WDR19: variants seen among roughly 807,000 people sequenced by gnomAD.
The protein encoded by WDR19 is WD repeat domain 19.
A neutral mutation model predicts 180.0 loss-of-function variants in WDR19; 121 were observed. The observed-to-expected ratio is 0.67, with a 90% CI of 0.58 to 0.78. The LOEUF (loss-of-function observed/expected upper bound fraction) is 0.78, where lower values mean the gene tolerates loss of function less well. Among genes scored for constraint, WDR19 ranks in the 30% least tolerant of loss-of-function variants. WDR19 has a pLI of 0.00. For synonymous variants in WDR19, 497 were observed against 540.7 expected, an observed-to-expected ratio of 0.92 and a Z score of 1.12; for missense variants, 1,450 against 1,640.7, an observed-to-expected ratio of 0.88 and a Z score of 2.01.
chr4:39,189,272 A>G (rs1413315109), intron 3 of WDR19, among the ~76,000 whole-genome samples: 1 of 152,150 alleles, frequency 6.6e-6, no homozygotes, highest in Non-Finnish European at 1.5e-5. Context: ...AATCTAAAAT[A>G]ATCTTTCAAA....
At chr4:39,220,798 G>A (rs998241454) in intron 14 of WDR19, among the ~76,000 whole-genome samples, 9 of 148,750 alleles carry the variant, frequency 6.1e-5, no homozygotes, top group African/African-American at 1.5e-4. Context: ...GCAAGGCACC[G>A]TGCCCAGCTG....
chr4:39,263,137 G>C (rs1314423597), intron 28 of WDR19, among the ~76,000 whole-genome samples: 1 of 151,220 alleles, frequency 6.6e-6, no homozygotes, highest in Admixed American at 6.6e-5. Flanking sequence ...AGGGGGAAGG[G>C]AAGTACGAGG....
Position 39,228,366 on chromosome 4 carries a change from C to A in WDR19, c.1777+9C>A, listed in dbSNP as rs1330948394. The A allele has an allele frequency of 1.2e-6, 2 of 1,605,542 alleles. No homozygotes were observed. The highest frequency in any genetic ancestry group is 1.7e-5 in the Admixed American group (1 of 59,390). On this transcript the variant is annotated intron_variant, in intron 16 of 36. Coordinates refer to ENST00000399820, the MANE Select transcript of WDR19 (RefSeq NM_025132.4). ...CAAGGACACTATACAAGGTACTAAACCCCTTTTGTGTATATTCGCTGACAG... is the reference window on the plus strand; with the variant it reads ...CAAGGACACTATACAAGGTACTAAAACCCTTTTGTGTATATTCGCTGACAG...
At chr4:39,238,374 C>G (rs944171901) in intron 20 of WDR19, among the ~76,000 whole-genome samples, 5 of 152,070 alleles carry the variant, frequency 3.3e-5, no homozygotes, top group Admixed American at 3.3e-4. Context: ...CATATGAGAG[C>G]TTCAAAATAA....
chr4:39,241,525 G>T lies in WDR19; in HGVS notation c.2421+1191G>T, dbSNP rs190763036. ...AAAAAAAAAAAGTGGGTCCGGGGCC[G>T]GGCACAGTGGCTCACGCTGGTAACC... On this transcript the variant is annotated intron_variant, in intron 21 of 36. Transcript: ENST00000399820. Among the ~76,000 whole-genome samples the T allele has an allele frequency of 5.0e-4, 75 of 149,508 alleles. 2 individuals are homozygous for T. The highest frequency in any genetic ancestry group is 1.7e-3 in the African/African-American group (71 of 40,824).
intron 1 of WDR19, among the ~76,000 whole-genome samples, chr4:39,184,294 C>A (rs1368484694): frequency 6.6e-6 from 1 of 151,798 alleles, no homozygotes; most frequent in Non-Finnish European, 1.5e-5. Flanking sequence ...CCTGTAATCC[C>A]AGCTATTCGG....
intron 19 of WDR19, 109 bp downstream of exon 19, chr4:39,232,381 T>C: frequency 1.1e-6 from 1 of 875,498 alleles, no homozygotes; most frequent in Non-Finnish European, 1.8e-6. Context: ...TTCCAGCACT[T>C]TGGGAGGCCA....
intron 14 of WDR19, among the ~76,000 whole-genome samples, chr4:39,221,216 A>G (rs1216886659): frequency 6.6e-6 from 1 of 152,196 alleles, no homozygotes; most frequent in Non-Finnish European, 1.5e-5. Context: ...CTAATAGTTT[A>G]TAGAGCCCTG....
At chr4:39,199,841 C>A (rs1429258379) in intron 6 of WDR19, among the ~76,000 whole-genome samples, 3 of 152,140 alleles carry the variant, frequency 2.0e-5, no homozygotes, top group Admixed American at 2.0e-4. Flanking sequence ...ATTATCAGCT[C>A]TGTGGTTCTA....
intron 9 of WDR19, 144 bp from the exon 10 acceptor site, chr4:39,214,457 A>T (rs907275227): frequency 1.9e-6 from 1 of 516,850 alleles, no homozygotes; most frequent in South Asian, 3.3e-5. Context: ...AGAAATTCTA[A>T]TATTTTCTTA....
At chr4:39,239,213 T>C (rs535128689) in intron 20 of WDR19, among the ~76,000 whole-genome samples, 1 of 152,234 alleles carries the variant, frequency 6.6e-6, no homozygotes, top group South Asian at 2.1e-4. Context: ...CCTGACCTTA[T>C]GATCCGTGTG....
chr4:39,254,080 C>T (rs1426029758), intron 26 of WDR19, 50 bp downstream of exon 26: 1 of 1,566,120 alleles, frequency 6.4e-7, no homozygotes, highest in Admixed American at 1.8e-5. Context: ...ATCATAAAAA[C>T]ACTTTGTCTC....
intron 28 of WDR19, among the ~76,000 whole-genome samples, chr4:39,265,005 C>T (rs1250962152): frequency 1.3e-4 from 19 of 150,590 alleles, no homozygotes; most frequent in Admixed American, 1.1e-3. Flanking sequence ...GCAACCTTTG[C>T]CTCCCAGGTT....
At position 39,182,579 on chromosome 4, in the gene WDR19, A is replaced by G. The variant is rs1725048393; in HGVS notation, c.6+16A>G. ...GGAGATGAAGGTAAATAACTTACAA[A>G]TTCCCGGGGTGGGGCGGGAAAACGC... On this transcript the variant is annotated intron_variant, in intron 1 of 36. Transcript: ENST00000399820. 1 of 1,613,496 alleles carries G rather than the reference A, an allele frequency of 6.2e-7. No individual in the cohort carries two copies. The highest frequency in any genetic ancestry group is 1.3e-5 in the African/African-American group (1 of 74,848).
chr4:39,218,690 T>C (rs955877134), intron 14 of WDR19: 4 of 152,184 alleles, frequency 2.6e-5, no homozygotes, highest in African/African-American at 7.2e-5. Context: ...AAACATTTTT[T>C]CTTCAAAAAT....
chr4:39,234,614 C>T (rs765503754), intron 19 of WDR19, among the ~76,000 whole-genome samples, 152 bp from the exon 20 acceptor site: 2 of 152,148 alleles, frequency 1.3e-5, no homozygotes, highest in Non-Finnish European at 2.9e-5. Flanking sequence ...ATTGAGAATA[C>T]ATACTATAGT....
At chr4:39,268,879 C>T (rs1441664599) in intron 30 of WDR19, among the ~76,000 whole-genome samples, 1 of 151,624 alleles carries the variant, frequency 6.6e-6, no homozygotes, top group African/African-American at 2.4e-5. Context: ...TGAAAAGGCA[C>T]AATTAAAATA....
chr4:39,207,486 T>C (rs1474994665), intron 9 of WDR19, among the ~76,000 whole-genome samples: 2 of 151,998 alleles, frequency 1.3e-5, no homozygotes, highest in Non-Finnish European at 2.9e-5. Context: ...AATCAAACTG[T>C]TGAAAAATAA....
chr4:39,233,774 T>C (rs1033668996), intron 19 of WDR19, among the ~76,000 whole-genome samples: 4 of 152,234 alleles, frequency 2.6e-5, no homozygotes, highest in African/African-American at 7.2e-5. Flanking sequence ...CTTGGATTAG[T>C]ACTCACTGAA....
Sources: allele counts gnomAD v4.1 joint callset (sites outside exome capture counted in the v4.1 genomes callset), GRCh38; gene constraint gnomAD v4.1.1; transcripts MANE v1.5; gene names NCBI Gene and HGNC (gene_info 2026-07-23, HGNC 2026-07-21).